The following FAAH2 variants were observed in gnomAD, a reference collection of about 807,000 sequenced individuals.
FAAH2 encodes the protein fatty-acid amide hydrolase 2.
Under a neutral mutation model 36.9 loss-of-function variants are expected in FAAH2, and 60 were observed. That is an observed-to-expected ratio of 1.63 (90% CI 1.32 to 2.02). The LOEUF (loss-of-function observed/expected upper bound fraction) is 2.02, where lower values mean the gene tolerates loss of function less well. Ranked by LOEUF, FAAH2 falls within the 30% of genes most tolerant of loss-of-function variation. FAAH2 has a pLI of 0.00. For synonymous variants in FAAH2, 214 were observed against 143.8 expected (o/e 1.49, Z -3.49); for missense variants, 689 against 397.5 (o/e 1.73, Z -6.23).
chrX:57,150,179 A>G, the FAAH2 span, among the ~76,000 whole-genome samples: 2 of 112,100 alleles, frequency 1.8e-5, no homozygotes, highest in Non-Finnish European at 3.8e-5. Flanking sequence ...TTTACTTCCA[A>G]CTATGTGGTC....
intron 7 of FAAH2, among the ~76,000 whole-genome samples, chrX:57,431,342 G>A (rs369740207): frequency 5.0e-4 from 56 of 111,365 alleles, no homozygotes; most frequent in African/African-American, 1.8e-3. Context: ...ATTTTATTTC[G>A]CTGCATGTAA....
At position 57,378,745 on chromosome X, in the gene FAAH2, G is replaced by T. The variant is rs760095313; in HGVS notation, c.837G>T (p.Leu279=). ...CTATGTGCCGTTATGCTGAAGACCT[G>T]GCCCCCATGTTGAAGGTCATGGCAG... ...TGPMCRYAED[L]APMLKVMAGP... Residue 279 remains leucine (L), a synonymous_variant, in exon 6 of 11, where the codon CTG becomes CTT. Transcript: ENST00000374900. 6 of 1,208,051 alleles carry T rather than the reference G, an allele frequency of 5.0e-6. No individual in the cohort carries two copies. The South Asian group carries it at 5.3e-5, about 11-fold the overall frequency.
chrX:57,463,041 T>G (rs1383701915), intron 10 of FAAH2, among the ~76,000 whole-genome samples: 2 of 111,929 alleles, frequency 1.8e-5, no homozygotes, highest in Non-Finnish European at 3.8e-5. Context: ...AAATCATGAT[T>G]GAACTCCTAT....
At chrX:57,276,943 A>C in the FAAH2 span, among the ~76,000 whole-genome samples, 1 of 111,751 alleles carries the variant, frequency 8.9e-6, no homozygotes, top group African/African-American at 3.3e-5. Context: ...ATAGTTTACC[A>C]ACCAAAAAAA....
chrX:57,304,168 C>A (rs753905299), intron 2 of FAAH2, among the ~76,000 whole-genome samples: 1 of 111,985 alleles, frequency 8.9e-6, no homozygotes, highest in Non-Finnish European at 1.9e-5. Context: ...GATCTTGCCA[C>A]TGCACTCCAG....
At chrX:57,313,816 C>A (rs776102711) in intron 3 of FAAH2, among the ~76,000 whole-genome samples, 72 of 111,188 alleles carry the variant, frequency 6.5e-4, no homozygotes, top group African/African-American at 2.3e-3. Context: ...AAGCTGATAG[C>A]TTGCATGCAC....
chrX:57,331,879 A>C, intron 4 of FAAH2, 72 bp downstream of exon 4: 1 of 995,219 alleles, frequency 1.0e-6, no homozygotes, highest in South Asian at 2.1e-5. Flanking sequence ...ATTAATAAAC[A>C]TGATACAGTA....
chrX:57,407,410 G>T (rs1222325003), intron 7 of FAAH2, among the ~76,000 whole-genome samples: 2 of 111,836 alleles, frequency 1.8e-5, no homozygotes, highest in Non-Finnish European at 3.8e-5. Flanking sequence ...AGGCTCATGA[G>T]GGCAGAGGAA....
chrX:57,408,282 T>G (rs917709486), intron 7 of FAAH2, among the ~76,000 whole-genome samples: 1 of 111,150 alleles, frequency 9.0e-6, no homozygotes, highest in Middle Eastern at 4.8e-3. Context: ...TTTTCCAATC[T>G]GTGAACATGG....
At chrX:57,425,577 A>G (rs950750798) in intron 7 of FAAH2, among the ~76,000 whole-genome samples, 1 of 111,716 alleles carries the variant, frequency 9.0e-6, no homozygotes, top group South Asian at 3.7e-4. Flanking sequence ...GTTCTTCATG[A>G]AAAAAACACT....
intron 7 of FAAH2, among the ~76,000 whole-genome samples, chrX:57,408,324 A>AT (rs1393323647): frequency 3.6e-5 from 4 of 110,001 alleles, no homozygotes; most frequent in Admixed American, 9.7e-5. Flanking sequence ...GCCTATTTTA[A>AT]TTTTTTCATC....
chrX:57,292,987 T>C (rs1456588879), intron 2 of FAAH2, among the ~76,000 whole-genome samples: 1 of 111,701 alleles, frequency 9.0e-6, no homozygotes, highest in African/African-American at 3.3e-5. Flanking sequence ...TTTATATAGG[T>C]ATCATATACG....
the FAAH2 span, among the ~76,000 whole-genome samples, chrX:57,259,623 A>G: frequency 3.6e-5 from 4 of 112,008 alleles, no homozygotes; most frequent in Non-Finnish European, 7.5e-5. Context: ...TTCAGGGGTT[A>G]GAGGTGGGGG....
At chrX:57,185,093 A>T in the FAAH2 span, among the ~76,000 whole-genome samples, 2 of 111,099 alleles carry the variant, frequency 1.8e-5, no homozygotes, top group African/African-American at 6.5e-5. Flanking sequence ...AGCCAATTAT[A>T]CTCTTTTAGT....
At position 57,312,672 on chromosome X, in the gene FAAH2, C is replaced by CAAA. The variant is rs5902564; in HGVS notation, c.412+1954_412+1956dup. On this transcript the variant is annotated intron_variant, in intron 3 of 10. Transcript: ENST00000374900. ...CTGGGCAACAAGCACAAAACTCCATCAAAAAAAAAAAAATCCTATACAGAA... is the reference window on the plus strand; with the variant it reads ...CTGGGCAACAAGCACAAAACTCCATCAAAAAAAAAAAAAAAATCCTATACAGAA... Among the ~76,000 whole-genome samples the CAAA allele has an allele frequency of 5.7e-3, 570 of 99,142 alleles. 9 individuals are homozygous for CAAA. In the East Asian group the frequency reaches 0.08, roughly 14 times the overall value. 86.1% of individuals were successfully genotyped at this position (99,142 alleles called of 115,157 possible). A position where few individuals can be genotyped will look rare whatever the true frequency, so the allele number is the denominator to read the frequency against.
At chrX:57,477,867 T>C (rs1299324548) in intron 10 of FAAH2, among the ~76,000 whole-genome samples, 2 of 112,124 alleles carry the variant, frequency 1.8e-5, no homozygotes, top group Non-Finnish European at 3.8e-5. Flanking sequence ...GTGTGCCACA[T>C]TTTCTTAATG....
the FAAH2 span, among the ~76,000 whole-genome samples, chrX:57,185,513 T>A: frequency 9.1e-6 from 1 of 109,591 alleles, no homozygotes; most frequent in African/African-American, 3.3e-5. Context: ...TGTGTGTGTG[T>A]GTGTGTGTGT....
chrX:57,413,261 C>T (rs1448922734), intron 7 of FAAH2, among the ~76,000 whole-genome samples: 4 of 111,883 alleles, frequency 3.6e-5, no homozygotes, highest in Non-Finnish European at 7.5e-5. Flanking sequence ...CTTTTGTTGC[C>T]ATTGCTTTTG....
chrX:57,484,316 C>T (rs971705704), intron 10 of FAAH2, among the ~76,000 whole-genome samples: 1 of 110,975 alleles, frequency 9.0e-6, no homozygotes, highest in African/African-American at 3.3e-5. Context: ...CTTTGGCTTG[C>T]CCACAAATAC....
Sources: gnomAD v4.1 joint callset for allele counts (sites outside exome capture counted in the v4.1 genomes callset) on GRCh38, gnomAD v4.1.1 for gene constraint, MANE v1.5 for transcripts, NCBI Gene and HGNC (gene_info 2026-07-23, HGNC 2026-07-21) for gene names.